Variants in AFTPH observed in about 807,000 individuals in gnomAD.
AFTPH encodes aftiphilin, also known as aftiphilin protein.
A neutral mutation model predicts 72.5 loss-of-function variants in AFTPH; 7 were observed. The ratio of observed to expected loss-of-function variants is 0.10; its 90% confidence interval spans 0.05 to 0.18. The LOEUF is 0.18. Among genes scored for constraint, AFTPH ranks in the 10% least tolerant of loss-of-function variants. The probability of loss-of-function intolerance (pLI) is 1.00; values close to 1 mark genes in which losing one functional copy is unlikely to be tolerated. For synonymous variants in AFTPH, 337 were observed against 370.1 expected (o/e 0.91, Z 1.03); for missense variants, 979 against 1,060.5 (o/e 0.92, Z 1.07).
In AFTPH at chr2:64,568,812, A is replaced by G. The variant is rs1002899206; in HGVS notation, c.2088-280A>G. Among the ~76,000 whole-genome samples, 2 of 152,100 alleles carry G rather than the reference A, an allele frequency of 1.3e-5. 1 individual carries two copies. Among genetic ancestry groups the G allele is most frequent in the South Asian group, 4.1e-4 (2 of 4,830 alleles). On this transcript the variant is annotated intron_variant, in intron 3 of 8. Coordinates refer to ENST00000238856, the Ensembl canonical transcript of AFTPH. ...TTTTTAGTAGAGATGGGGTTTCACC[A>G]TGTTGGCCAGGCTGGTCTAGAACTG...
intron 1 of AFTPH, among the ~76,000 whole-genome samples, chr2:64,533,130 G>A (rs921015319): frequency 6.6e-6 from 1 of 152,098 alleles, no homozygotes; most frequent in Non-Finnish European, 1.5e-5. Flanking sequence ...AGGTGTGGTG[G>A]CTCATGCCTG....
At chr2:64,567,577 C>A in exon 3 of AFTPH, 3 of 1,607,990 alleles carry the variant, frequency 1.9e-6, no homozygotes, top group Non-Finnish European at 2.5e-6. Context: ...TTTATTAAAC[C>A]GCCTGGAGCG....
At chr2:64,576,074 T>TACACACACACACAC (rs55774717) in intron 6 of AFTPH, among the ~76,000 whole-genome samples, 2 of 127,744 alleles carry the variant, frequency 1.6e-5, no homozygotes, top group Non-Finnish European at 3.4e-5. Context: ...TTTGGCATGC[T>TACACACACACACAC]ACACACACAC....
intron 1 of AFTPH, among the ~76,000 whole-genome samples, chr2:64,539,976 C>G (rs777354102): frequency 6.6e-6 from 1 of 152,008 alleles, no homozygotes; most frequent in Non-Finnish European, 1.5e-5. Context: ...ATGGAAGAGG[C>G]TGAACGTTTA....
At chr2:64,552,872 G>A (rs112247625) in exon 2 of AFTPH, 35 of 1,614,154 alleles carry the variant, frequency 2.2e-5, no homozygotes, top group African/African-American at 2.0e-4. Flanking sequence ...AGTCTTCAGA[G>A]CACTTTCCAC....
At position 64,582,959 on chromosome 2, in the gene AFTPH, T is replaced by A. The variant is rs144988762; in HGVS notation, c.2456-2463T>A. ...GCTTAGAGCTGTAATGGAAGTGAAA[T>A]CAGCATGGTCAAATGCAGTTCTCAT... is the stretch of plus-strand genomic sequence containing the variant. On this transcript the variant is annotated intron_variant, in intron 7 of 8. Transcript: ENST00000238856. Among the ~76,000 whole-genome samples, 172 of 152,300 alleles carry A rather than the reference T, an allele frequency of 1.1e-3. 2 individuals are homozygous for A. Among genetic ancestry groups the A allele is most frequent in the African/African-American group, 4.0e-3 (166 of 41,578 alleles).
intron 2 of AFTPH, among the ~76,000 whole-genome samples, chr2:64,560,759 G>T (rs1671678813): frequency 6.6e-6 from 1 of 152,194 alleles, no homozygotes; most frequent in Non-Finnish European, 1.5e-5. Context: ...TGTAATTTGA[G>T]CTATTCGGGA....
exon 4 of AFTPH, chr2:64,569,162 G>A (rs747289920): frequency 3.7e-6 from 6 of 1,614,042 alleles, no homozygotes; most frequent in Non-Finnish European, 5.1e-6. Flanking sequence ...CCAGTGGGGC[G>A]GCTCCCATAG....
At chr2:64,582,885 T>G (rs1049524806) in intron 7 of AFTPH, among the ~76,000 whole-genome samples, 1 of 152,228 alleles carries the variant, frequency 6.6e-6, no homozygotes, top group African/African-American at 2.4e-5. Flanking sequence ...AATGACCTGA[T>G]AATCAGGCTC....
At chr2:64,546,387 A>C (rs1249686054) in intron 1 of AFTPH, among the ~76,000 whole-genome samples, 1 of 152,160 alleles carries the variant, frequency 6.6e-6, no homozygotes, top group Non-Finnish European at 1.5e-5. Flanking sequence ...GTCAAATTTG[A>C]GGCTTCAAGT....
intron 2 of AFTPH, among the ~76,000 whole-genome samples, chr2:64,561,056 A>C (rs1023078459): frequency 7.2e-5 from 11 of 152,222 alleles, no homozygotes; most frequent in African/African-American, 2.2e-4. Context: ...AAGCACAAGT[A>C]TACTTCTGTG....
intron 1 of AFTPH, among the ~76,000 whole-genome samples, chr2:64,541,210 A>G (rs542265390): frequency 4.4e-4 from 67 of 152,284 alleles, no homozygotes; most frequent in African/African-American, 1.6e-3. Context: ...TAAGCACTCA[A>G]TAAGTATTAA....
intron 1 of AFTPH, among the ~76,000 whole-genome samples, chr2:64,548,419 A>G (rs1331725617): frequency 6.7e-6 from 1 of 149,378 alleles, no homozygotes; most frequent in Admixed American, 6.7e-5. Flanking sequence ...AAAAAAAAAA[A>G]AAAAAAAAAA....
chr2:64,528,346 T>C (rs1260337897), intron 1 of AFTPH, among the ~76,000 whole-genome samples: 1 of 152,212 alleles, frequency 6.6e-6, no homozygotes, highest in African/African-American at 2.4e-5. Flanking sequence ...TTCTAGGTGC[T>C]GGGGATACTG....
intron 2 of AFTPH, among the ~76,000 whole-genome samples, chr2:64,555,542 CAGAG>C (rs1011599778): frequency 6.9e-6 from 1 of 145,058 alleles, no homozygotes; most frequent in South Asian, 2.2e-4. Flanking sequence ...GGCTAGGCTA[CAGAG>C]AGAGACTGTC....
intron 1 of AFTPH, among the ~76,000 whole-genome samples, chr2:64,538,053 G>A (rs545212127): frequency 2.6e-5 from 4 of 152,052 alleles, no homozygotes; most frequent in African/African-American, 7.2e-5. Context: ...AAGAAAAAAT[G>A]AAATAGAACT....
rs750833613 is a variant in AFTPH, at chr2:64,553,742, C to T, written c.1935+333C>T. On this transcript the variant is annotated intron_variant, in intron 2 of 8. Coordinates refer to ENST00000238856, the Ensembl canonical transcript of AFTPH. ...AAACCCACACTTATTACCTAATTGA[C>T]GGTTCCAGTCAATCCTTCAGTATTA... 4.1e-5 allele frequency among the ~76,000 whole-genome samples: 6 copies of T among 147,090 alleles called. No individual in the cohort carries two copies. In the East Asian group the frequency reaches 5.9e-4, roughly 14 times the overall value.
intron 6 of AFTPH, among the ~76,000 whole-genome samples, chr2:64,574,697 C>T (rs561475714): frequency 6.6e-6 from 1 of 152,254 alleles, no homozygotes; most frequent in South Asian, 2.1e-4. Flanking sequence ...ATTAGTGGGC[C>T]AGAGGACCTT....
chr2:64,573,056 T>C (rs1260173549), exon 6 of AFTPH: 1 of 1,613,942 alleles, frequency 6.2e-7, no homozygotes, highest in Non-Finnish European at 8.5e-7. Context: ...CATGTACATC[T>C]GATCAGTTCC....
Sources: allele counts gnomAD v4.1 joint callset (sites outside exome capture counted in the v4.1 genomes callset), GRCh38; gene constraint gnomAD v4.1.1; transcripts MANE v1.5; gene names NCBI Gene and HGNC (gene_info 2026-07-23, HGNC 2026-07-21).